The following ANO4 variants were observed in gnomAD, a reference collection of about 807,000 sequenced individuals.
ANO4 encodes anoctamin-4.
Under a neutral mutation model 141.9 loss-of-function variants are expected in ANO4, and 69 were observed. That is an observed-to-expected ratio of 0.49 (90% CI 0.40 to 0.59). The LOEUF (loss-of-function observed/expected upper bound fraction) is 0.59. Ranked by LOEUF, ANO4 falls within the 20% of genes least tolerant of loss-of-function variation. The pLI is 0.00. For synonymous variants in ANO4, 350 were observed against 394.3 expected (o/e 0.89, Z 1.33); for missense variants, 894 against 1,162.2 (o/e 0.77, Z 3.36).
chr12:100,986,625 GA>G (rs979301190), intron 7 of ANO4, among the ~76,000 whole-genome samples: 9 of 151,982 alleles, frequency 5.9e-5, no homozygotes, highest in Non-Finnish European at 4.4e-5. Flanking sequence ...TTTTAATTAG[GA>G]AAAAAATAAA....
rs2050825447 is a variant in ANO4, at chr12:101,115,703, T to G, written c.2451-976T>G. Among the ~76,000 whole-genome samples, 5 of 152,244 alleles carry G rather than the reference T, an allele frequency of 3.3e-5. 1 individual carries two copies. In the South Asian group the frequency reaches 1.0e-3, roughly 31 times the overall value. On this transcript the variant is annotated intron_variant, in intron 24 of 27. Transcript: ENST00000392977. ...GTTTAGAGACTTGGAGAAAAGATGT[T>G]TCTAAGAGTGCTACTTGCTATGATA...
chr12:100,888,987 G>T (rs1383302504), intron 1 of ANO4, among the ~76,000 whole-genome samples: 1 of 150,724 alleles, frequency 6.6e-6, no homozygotes, highest in African/African-American at 2.4e-5. Flanking sequence ...CCATTAACTC[G>T]TCATTTAGCA....
intron 1 of ANO4, among the ~76,000 whole-genome samples, chr12:100,804,652 C>G (rs1041534697): frequency 6.6e-6 from 1 of 152,084 alleles, no homozygotes; most frequent in African/African-American, 2.4e-5. Context: ...TTCTGACTGG[C>G]GTGAGATGGT....
Position 101,056,609 on chromosome 12 carries a change from C to A in ANO4, c.1312+8208C>A, listed in dbSNP as rs373250598. On this transcript the variant is annotated intron_variant, in intron 14 of 27. Coordinates refer to ENST00000392977, the MANE Select transcript of ANO4 (RefSeq NM_001286615.2). The stretch of plus-strand genomic sequence containing the variant: ...TTTTCTTGCCTTATACTGGTTAGGA[C>A]CTCCAGAATAATGCTGGATACAAGT... Among the ~76,000 whole-genome samples, 5 of 152,100 alleles carry A rather than the reference C, an allele frequency of 3.3e-5. No homozygotes were observed. The East Asian group carries it at 7.7e-4, about 24-fold the overall frequency.
chr12:101,083,994 T>C (rs903280602), intron 16 of ANO4, among the ~76,000 whole-genome samples, 176 bp downstream of exon 16: 2 of 152,204 alleles, frequency 1.3e-5, no homozygotes, highest in Admixed American at 6.5e-5. Context: ...ATATTACAGA[T>C]AGAACAACTG....
chr12:101,026,339 G>A (rs1461103120), intron 9 of ANO4, among the ~76,000 whole-genome samples: 3 of 152,096 alleles, frequency 2.0e-5, no homozygotes, highest in African/African-American at 7.2e-5. Flanking sequence ...CTTAAGAATT[G>A]TACACTGAAA....
chr12:100,943,354 C>T (rs1399286133), intron 5 of ANO4, among the ~76,000 whole-genome samples: 2 of 76,982 alleles, frequency 2.6e-5, no homozygotes, highest in African/African-American at 4.9e-5. Context: ...TTCCTCAAGG[C>T]TGAGGGGATA....
intron 3 of ANO4, among the ~76,000 whole-genome samples, chr12:100,773,335 A>G (rs1192255107): frequency 6.6e-6 from 1 of 152,242 alleles, no homozygotes; most frequent in African/African-American, 2.4e-5. Context: ...TACAAGCTCC[A>G]TAAGGGACTC....
At chr12:100,950,628 C>G (rs1207123670) in intron 5 of ANO4, among the ~76,000 whole-genome samples, 1 of 152,176 alleles carries the variant, frequency 6.6e-6, no homozygotes, top group African/African-American at 2.4e-5. Flanking sequence ...AGCATGGCCT[C>G]AGCTGGACAC....
chr12:101,020,978 CTG>C (rs948942887), intron 9 of ANO4, among the ~76,000 whole-genome samples: 6 of 152,128 alleles, frequency 3.9e-5, no homozygotes, highest in African/African-American at 1.4e-4. Flanking sequence ...AAATAATTAA[CTG>C]TGACAGGGGA....
intron 3 of ANO4, among the ~76,000 whole-genome samples, chr12:100,784,198 C>T (rs1190794620): frequency 6.6e-6 from 1 of 152,158 alleles, no homozygotes; most frequent in African/African-American, 2.4e-5. Flanking sequence ...TCTCTCTTAC[C>T]TTCTGGCCAT....
At chr12:100,856,316 A>C (rs988748558) in intron 1 of ANO4, among the ~76,000 whole-genome samples, 2 of 152,212 alleles carry the variant, frequency 1.3e-5, no homozygotes, top group African/African-American at 4.8e-5. Context: ...CCTATTTTAT[A>C]GATGAAAACA....
At chr12:100,954,544 G>A (rs1043855988) in intron 5 of ANO4, among the ~76,000 whole-genome samples, 2 of 152,104 alleles carry the variant, frequency 1.3e-5, no homozygotes, top group African/African-American at 2.4e-5. Flanking sequence ...AGTTCTGGTC[G>A]CAGCTTCTCA....
At chr12:101,009,657 C>T (rs1417842798) in intron 8 of ANO4, among the ~76,000 whole-genome samples, 2 of 151,992 alleles carry the variant, frequency 1.3e-5, no homozygotes, top group South Asian at 2.1e-4. Flanking sequence ...TCTCTTTGGC[C>T]TCAGTGTTCT....
chr12:101,108,890 A>G (rs1223166745), intron 22 of ANO4, among the ~76,000 whole-genome samples: 1 of 152,194 alleles, frequency 6.6e-6, no homozygotes, highest in African/African-American at 2.4e-5. Flanking sequence ...TAAGAATACA[A>G]TGCTATTGTC....
chr12:100,963,071 A>T (rs1336700173), intron 5 of ANO4, among the ~76,000 whole-genome samples: 3 of 152,198 alleles, frequency 2.0e-5, no homozygotes, highest in Non-Finnish European at 4.4e-5. Flanking sequence ...GACACTGAGA[A>T]GAAGAGCAAT....
intron 16 of ANO4, among the ~76,000 whole-genome samples, chr12:101,084,962 G>T (rs951315033): frequency 2.0e-5 from 3 of 152,136 alleles, no homozygotes; most frequent in Non-Finnish European, 2.9e-5. Flanking sequence ...TGCCATCCTT[G>T]TCTGAATTTC....
chr12:101,036,171 G>A (rs766203846), intron 9 of ANO4, among the ~76,000 whole-genome samples: 15 of 152,096 alleles, frequency 9.9e-5, no homozygotes, highest in Non-Finnish European at 1.6e-4. Context: ...TCTCACACCC[G>A]TTAGAATGGC....
At chr12:100,895,583 A>G (rs1047533116) in intron 1 of ANO4, among the ~76,000 whole-genome samples, 1 of 142,536 alleles carries the variant, frequency 7.0e-6, no homozygotes, top group Non-Finnish European at 1.5e-5. Context: ...TTTTTGAGAC[A>G]GAGTTTTGCT....
Sources: gnomAD v4.1 joint callset for allele counts (sites outside exome capture counted in the v4.1 genomes callset) on GRCh38, gnomAD v4.1.1 for gene constraint, MANE v1.5 for transcripts, NCBI Gene and HGNC (gene_info 2026-07-23, HGNC 2026-07-21) for gene names.